Variants in RTN4RL1 observed in about 807,000 individuals in gnomAD.
The protein encoded by RTN4RL1 is reticulon 4 receptor like 1, also known as reticulon-4 receptor-like 1.
In RTN4RL1, 7 loss-of-function variants were observed where a neutral mutation model predicts 25.6. That is an observed-to-expected ratio of 0.27 (90% CI 0.16 to 0.51). RTN4RL1 has a LOEUF of 0.51. RTN4RL1 is among the 20% of genes least tolerant of loss of function. RTN4RL1 has a pLI of 0.97. For missense variants in RTN4RL1, 500 were observed against 615.6 expected (o/e 0.81, Z 1.99); for synonymous variants, 297 against 288.2 (o/e 1.03, Z -0.31).
intron 1 of RTN4RL1, chr17:1,995,703 G>A (rs1217013014): frequency 4.6e-5 from 7 of 152,236 alleles, no homozygotes; most frequent in African/African-American, 1.7e-4. Flanking sequence ...TACCATCAAA[G>A]GTAAACAAGT....
At chr17:1,996,579 C>A (rs2066930303) in intron 1 of RTN4RL1, among the ~76,000 whole-genome samples, 1 of 152,182 alleles carries the variant, frequency 6.6e-6, no homozygotes, top group Non-Finnish European at 1.5e-5. Flanking sequence ...CTCTTAAATT[C>A]ATGAGAAAAG....
intron 1 of RTN4RL1, among the ~76,000 whole-genome samples, chr17:2,022,297 C>T (rs1289131960): frequency 6.6e-6 from 1 of 152,046 alleles, no homozygotes; most frequent in Non-Finnish European, 1.5e-5. Flanking sequence ...GCCTGGGCAA[C>T]AGAGTGAAAC....
chr17:1,967,928 A>G (rs921908932), intron 1 of RTN4RL1, among the ~76,000 whole-genome samples: 2 of 152,184 alleles, frequency 1.3e-5, no homozygotes, highest in Non-Finnish European at 2.9e-5. Flanking sequence ...GGCGTGAGCC[A>G]TCGGGCCCGG....
At chr17:1,978,062 A>T (rs2066850949) in intron 1 of RTN4RL1, among the ~76,000 whole-genome samples, 1 of 151,970 alleles carries the variant, frequency 6.6e-6, no homozygotes, top group Admixed American at 6.6e-5. Context: ...CCGCAGCTGC[A>T]CGCACCGCAA....
intron 1 of RTN4RL1, among the ~76,000 whole-genome samples, chr17:1,948,747 A>AG (rs1448368815): frequency 1.6e-5 from 2 of 125,478 alleles, no homozygotes; most frequent in Admixed American, 1.6e-4. Context: ...CTGGGGGTCC[A>AG]GGAGGGGTGT....
At chr17:2,016,071 A>G (rs1263045417) in intron 1 of RTN4RL1, among the ~76,000 whole-genome samples, 1 of 152,160 alleles carries the variant, frequency 6.6e-6, no homozygotes, top group East Asian at 1.9e-4. Flanking sequence ...CCATTTGAAG[A>G]AACTCCTGCT....
chr17:1,999,395 G>A (rs1449926087), intron 1 of RTN4RL1, among the ~76,000 whole-genome samples: 4 of 150,934 alleles, frequency 2.7e-5, no homozygotes, highest in African/African-American at 9.8e-5. Context: ...GCAGTGAACC[G>A]AGATCGCGCC....
chr17:1,969,058 C>CTTT lies in RTN4RL1; in HGVS notation c.14-31253_14-31251dup, dbSNP rs566553225. Among the ~76,000 whole-genome samples, 57 of 103,890 alleles carry CTTT rather than the reference C, an allele frequency of 5.5e-4. 3 individuals are homozygous for CTTT. The highest frequency in any genetic ancestry group is 3.9e-4 in the Non-Finnish European group (22 of 55,828). 68.2% of individuals were successfully genotyped at this position (103,890 alleles called of 152,430 possible). On this transcript the variant is annotated intron_variant, in intron 1 of 1. Transcript: ENST00000331238. ...TCGTGGGGGAGCTGGACCACTGTCC[C>CTTT]TTTTTTTTTTTTTTTTTTGAGATGG...
rs58349074 is a variant in RTN4RL1, at chr17:1,945,796, A to G, written c.14-7988T>C. ...TGGTTTTGCCTGCTGTGTTCTCCGC[A>G]GTACCCTCAGGGCCCAGAACACTGG... On this transcript the variant is annotated intron_variant, in intron 1 of 1. Transcript: ENST00000331238. Among the ~76,000 whole-genome samples, 463 of 152,344 alleles carry G rather than the reference A, an allele frequency of 3.0e-3. 5 individuals are homozygous for G. Among genetic ancestry groups the G allele is most frequent in the African/African-American group, 0.011 (451 of 41,580 alleles).
chr17:1,952,547 G>A (rs1410107615), intron 1 of RTN4RL1, among the ~76,000 whole-genome samples: 1 of 151,498 alleles, frequency 6.6e-6, no homozygotes, highest in Non-Finnish European at 1.5e-5. Flanking sequence ...GTTTCATCAT[G>A]TTGGTGAGAC....
intron 1 of RTN4RL1, among the ~76,000 whole-genome samples, chr17:1,973,983 G>A (rs1253474753): frequency 1.4e-5 from 2 of 145,894 alleles, no homozygotes; most frequent in Non-Finnish European, 3.0e-5. Context: ...AGATTGCAGT[G>A]AGCCGAGATT....
At chr17:1,946,814 T>C (rs933793812) in intron 1 of RTN4RL1, among the ~76,000 whole-genome samples, 2 of 129,050 alleles carry the variant, frequency 1.5e-5, no homozygotes, top group Admixed American at 7.9e-5. Context: ...TCTGTGTGAA[T>C]TGTGTGTGCA....
chr17:1,936,766 C>A lies in RTN4RL1; in HGVS notation c.1056G>T (p.Pro352=). Residue 352 remains proline (P), a synonymous_variant, in exon 2 of 2, where the codon CCG becomes CCT. Coordinates refer to ENST00000331238, the MANE Select transcript of RTN4RL1 (RefSeq NM_178568.4). ...PHGPRPGHRK[P]GKNCTNPRNR... ...TCCTGGGGTTGGTGCAGTTCTTCCC[C>A]GGCTTCCTGTGGCCGGGCCGGGGGC... 1 of 1,594,644 alleles carries A rather than the reference C, an allele frequency of 6.3e-7. No homozygotes were observed. Among genetic ancestry groups the A allele is most frequent in the Admixed American group, 1.8e-5 (1 of 56,074 alleles).
At chr17:1,984,221 G>A (rs543231774) in intron 1 of RTN4RL1, among the ~76,000 whole-genome samples, 4 of 152,210 alleles carry the variant, frequency 2.6e-5, no homozygotes, top group Non-Finnish European at 5.9e-5. Flanking sequence ...TGTTCTAGGG[G>A]CCTGTGGATG....
chr17:1,937,293 G>A lies in RTN4RL1; in HGVS notation c.529C>T (p.His177Tyr), dbSNP rs1915330223. Residue 177 changes from histidine to tyrosine, a missense_variant, in exon 2 of 2, where the codon CAC becomes TAC. Physicochemically the swap from His to Tyr is moderately conservative, Grantham distance 83 (BLOSUM62 2). Around this residue, in one of 2 missense-constraint regions of RTN4RL1, gnomAD observed 232 missense variants for 341.1 expected, o/e 0.68. Coordinates refer to ENST00000331238, the MANE Select transcript of RTN4RL1 (RefSeq NM_178568.4). ...DIFVDLVNLS[H>Y]LFLHGNKLWS... ...AGCTTGTTGCCGTGGAGAAACAGGT[G>A]GCTGAGGTTGACCAGGTCCACGAAG... is the stretch of plus-strand genomic sequence containing the variant. The A allele has an allele frequency of 6.2e-7, 1 of 1,613,018 alleles. No homozygotes were observed. Among genetic ancestry groups the A allele is most frequent in the African/African-American group, 1.3e-5 (1 of 74,932 alleles).
At chr17:1,953,636 C>T (rs1363969013) in intron 1 of RTN4RL1, among the ~76,000 whole-genome samples, 1 of 152,088 alleles carries the variant, frequency 6.6e-6, no homozygotes, top group Non-Finnish European at 1.5e-5. Flanking sequence ...GTGATCTCGG[C>T]TCACTGCAAC....
chr17:1,935,745 ATATATATATG>A lies in RTN4RL1; in HGVS notation c.*741_*750del. On this transcript the variant is annotated 3_prime_UTR_variant, in exon 2 of 2. Coordinates refer to ENST00000331238, the MANE Select transcript of RTN4RL1 (RefSeq NM_178568.4). Reference sequence around the variant, plus strand: ...TATATATATATATATATATATATATATATATATATGTAGAGTGTGAATATATATAAGTGGA... The same window carrying A: ...TATATATATATATATATATATATATATAGAGTGTGAATATATATAAGTGGA... The A allele has an allele frequency of 7.7e-6, 2 of 260,334 alleles. No individual in the cohort carries two copies. Among genetic ancestry groups the A allele is most frequent in the Non-Finnish European group, 1.1e-5 (2 of 175,284 alleles). The allele number at this position is 260,334 out of a possible 1,614,324, so 16.1% of individuals were successfully genotyped here. A position where few individuals can be genotyped will look rare whatever the true frequency, so the allele number is the denominator to read the frequency against.
At chr17:2,007,441 A>G (rs1307014192) in intron 1 of RTN4RL1, among the ~76,000 whole-genome samples, 4 of 151,614 alleles carry the variant, frequency 2.6e-5, no homozygotes, top group Non-Finnish European at 5.9e-5. Flanking sequence ...GGTGGTGCCA[A>G]TGGATGTCGC....
At chr17:1,942,033 C>G (rs1353213334) in intron 1 of RTN4RL1, among the ~76,000 whole-genome samples, 1 of 152,184 alleles carries the variant, frequency 6.6e-6, no homozygotes, top group Non-Finnish European at 1.5e-5. Flanking sequence ...ATCAGACTCT[C>G]TCCGGAGGAG....
Sources: gnomAD v4.1 joint callset for allele counts (sites outside exome capture counted in the v4.1 genomes callset) on GRCh38, gnomAD v4.1.1 for gene constraint, gnomAD v4.1.1 regional missense constraint, MANE v1.5 for transcripts, NCBI Gene and HGNC (gene_info 2026-07-23, HGNC 2026-07-21) for gene names.